Variants in CHD2 observed in about 807,000 individuals in gnomAD.
CHD2 encodes ATP-dependent chromatin remodeler CHD2.
A neutral mutation model predicts 243.9 loss-of-function variants in CHD2; 28 were observed. That is an observed-to-expected ratio of 0.11 (90% CI 0.09 to 0.16). The LOEUF (loss-of-function observed/expected upper bound fraction) is 0.16, where lower values mean the gene tolerates loss of function less well. Among genes scored for constraint, CHD2 ranks in the 10% least tolerant of loss-of-function variants. CHD2 has a pLI of 1.00. For synonymous variants in CHD2, 775 were observed against 779.0 expected (o/e 0.99, Z 0.09); for missense variants, 1,386 against 2,209.8 (o/e 0.63, Z 7.47).
Position 92,997,085 on chromosome 15 carries a change from GA to G in CHD2, c.3734del (p.Lys1245AsnfsTer4), listed in dbSNP as rs752940775. The G allele has an allele frequency of 7.9e-5, 116 of 1,462,108 alleles. No individual in the cohort carries two copies. The highest frequency in any genetic ancestry group is 5.5e-4 in the Admixed American group (27 of 49,114). 90.6% of individuals were successfully genotyped at this position (1,462,108 alleles called of 1,614,324 possible). On this transcript the variant is annotated frameshift_variant, in exon 29 of 39. Coordinates refer to ENST00000394196, the MANE Select transcript of CHD2 (RefSeq NM_001271.4). LOFTEE classifies it high-confidence loss of function. This position sits in a 1 kb window ranked among gnomAD's most constrained non-coding sequence, Gnocchi z 4.1. ...TAAATCTATCCCTGTGGACCCTGAA[GA>G]AAAAAAAAAGTGAGTATATTTTGTG... ...LHKSIPVDPE[E>X]KKKYCLTCRV...
intron 5 of CHD2, among the ~76,000 whole-genome samples, chr15:92,936,059 C>T (rs557140649): frequency 6.6e-6 from 1 of 152,138 alleles, no homozygotes; most frequent in African/African-American, 2.4e-5. Context: ...CATATGGAAA[C>T]ACGCAGTGCT....
rs1053013454 is a variant in CHD2, at chr15:92,929,932, AT to A, written c.443+842del. Among the ~76,000 whole-genome samples, 56 of 152,312 alleles carry A rather than the reference AT, an allele frequency of 3.7e-4. 1 individual carries two copies. Among genetic ancestry groups the A allele is most frequent in the African/African-American group, 9.6e-4 (40 of 41,564 alleles). Reference sequence around the variant, plus strand: ...CATTTCCTCATCTCCAAAAAAAAAAATAATACCATCTACCCAACAGGATTAT... The same window carrying A: ...CATTTCCTCATCTCCAAAAAAAAAAAAATACCATCTACCCAACAGGATTAT... On this transcript the variant is annotated intron_variant, in intron 5 of 38. Transcript: ENST00000394196.
At chr15:92,913,719 G>C (rs1357041621) in intron 2 of CHD2, among the ~76,000 whole-genome samples, 1 of 152,210 alleles carries the variant, frequency 6.6e-6, no homozygotes, top group Non-Finnish European at 1.5e-5. Context: ...GGGTGTGGCA[G>C]TATGCACCTA....
chr15:92,975,666 CT>C (rs931379088), intron 20 of CHD2, among the ~76,000 whole-genome samples: 554 of 142,806 alleles, frequency 3.9e-3, no homozygotes, highest in African/African-American at 6.0e-3. Flanking sequence ...TGAGCCACTA[CT>C]TTTTTTTTTT....
chr15:92,943,313 T>G, intron 9 of CHD2: 2 of 469,028 alleles, frequency 4.3e-6, no homozygotes, highest in Non-Finnish European at 7.8e-6. Context: ...TCTTTAGTTT[T>G]CACAATAAGT....
At chr15:92,936,405 T>A (rs2141771574) in intron 5 of CHD2, among the ~76,000 whole-genome samples, 1 of 152,356 alleles carries the variant, frequency 6.6e-6, no homozygotes. Context: ...AGTTTTTTCC[T>A]AGGTATTTCA....
chr15:92,931,176 A>G (rs571009519), intron 5 of CHD2, among the ~76,000 whole-genome samples: 67 of 152,328 alleles, frequency 4.4e-4, no homozygotes, highest in African/African-American at 1.6e-3. Flanking sequence ...GGTTTGAAAT[A>G]TTGGCACAAA....
chr15:92,931,525 G>A (rs976069622), intron 5 of CHD2, among the ~76,000 whole-genome samples: 1 of 151,970 alleles, frequency 6.6e-6, no homozygotes, highest in African/African-American at 2.4e-5. Context: ...GACGACAGGC[G>A]TGCACCACCA....
At chr15:92,958,573 A>C (rs978464566) in intron 16 of CHD2, among the ~76,000 whole-genome samples, 2 of 152,106 alleles carry the variant, frequency 1.3e-5, no homozygotes, top group Admixed American at 6.5e-5. Flanking sequence ...AAAAAATTGG[A>C]TTGTTTGTCT....
At chr15:92,904,154 T>A (rs1030472277) in intron 2 of CHD2, among the ~76,000 whole-genome samples, 3 of 152,214 alleles carry the variant, frequency 2.0e-5, no homozygotes, top group African/African-American at 7.2e-5. Flanking sequence ...CAGCAGCTCT[T>A]TGAGCCCCTG....
intron 19 of CHD2, among the ~76,000 whole-genome samples, chr15:92,973,355 CAT>C (rs2053867031): frequency 6.6e-6 from 1 of 152,142 alleles, no homozygotes; most frequent in African/African-American, 2.4e-5. Context: ...TTTATAGACA[CAT>C]AGACATATAC....
intron 33 of CHD2, among the ~76,000 whole-genome samples, chr15:93,003,793 A>G (rs567272052): frequency 8.5e-5 from 13 of 152,306 alleles, no homozygotes; most frequent in Non-Finnish European, 1.5e-4. Flanking sequence ...GTGTATATCC[A>G]TATAACTATA....
At chr15:93,009,461 C>A in intron 35 of CHD2, 138 bp downstream of exon 35, 2 of 762,788 alleles carry the variant, frequency 2.6e-6, no homozygotes, top group Non-Finnish European at 4.1e-6. Flanking sequence ...AATATACCTG[C>A]AGGCTTTAAC....
chr15:92,980,244 A>G (rs1333236716), intron 22 of CHD2, among the ~76,000 whole-genome samples: 6 of 142,092 alleles, frequency 4.2e-5, no homozygotes, highest in Non-Finnish European at 6.1e-5. Flanking sequence ...TTTTTTTAGT[A>G]GAGACAGGGT....
chr15:92,913,261 T>A (rs902647175), intron 2 of CHD2, among the ~76,000 whole-genome samples: 2 of 152,226 alleles, frequency 1.3e-5, no homozygotes, highest in Non-Finnish European at 2.9e-5. Flanking sequence ...GCTTTTTAGC[T>A]GTAGAATCTT....
At position 92,942,049 on chromosome 15, in the gene CHD2, A is replaced by C. The variant is rs1022472278; in HGVS notation, c.826+94A>C. The C allele has an allele frequency of 3.3e-6, 4 of 1,212,496 alleles. No individual in the cohort carries two copies. The East Asian group carries it at 7.1e-5, about 21-fold the overall frequency. 75.1% of individuals were successfully genotyped at this position (1,212,496 alleles called of 1,614,324 possible). ...ACTCTAATGTGATGAATTTTAGTCTACTGCTGTATTTGTTGTGATATGTAG... is the reference window on the plus strand; with the variant it reads ...ACTCTAATGTGATGAATTTTAGTCTCCTGCTGTATTTGTTGTGATATGTAG... On this transcript the variant is annotated intron_variant, in intron 8 of 38. Transcript: ENST00000394196.
chr15:93,009,309 C>T lies in CHD2; in HGVS notation c.4578C>T (p.Ile1526=), dbSNP rs143876394. 1 of 1,614,076 alleles carries T rather than the reference C, an allele frequency of 6.2e-7. No individual in the cohort carries two copies. The highest frequency in any genetic ancestry group is 1.1e-5 in the South Asian group (1 of 91,066). ...CLKAYSDQEH[I]KLWRRNLWIF... is the part of the protein sequence containing the mutation. ...AAGCCTACTCAGATCAGGAGCACAT[C>T]AAACTCTGGAGGAGGTAACCACTTT... The change falls in exon 35 of 39, where the codon ATC becomes ATT. Residue 1526 remains isoleucine, a synonymous_variant. Coordinates refer to ENST00000394196, the MANE Select transcript of CHD2 (RefSeq NM_001271.4).
chr15:92,998,725 A>C lies in CHD2; in HGVS notation c.4008+104A>C. 5 of 1,357,942 alleles carry C rather than the reference A, an allele frequency of 3.7e-6. No individual in the cohort carries two copies. The highest frequency in any genetic ancestry group is 1.5e-5 in the African/African-American group (1 of 68,428). The allele number at this position is 1,357,942 out of a possible 1,614,324, so 84.1% of individuals were successfully genotyped here. A position where few individuals can be genotyped will look rare whatever the true frequency, so the allele number is the denominator to read the frequency against. On this transcript the variant is annotated intron_variant, in intron 31 of 38. Coordinates refer to ENST00000394196, the MANE Select transcript of CHD2 (RefSeq NM_001271.4). The surrounding 1 kb of genome is among the most constrained non-coding windows in gnomAD (Gnocchi z 5.1). ...CTCTCTGAGCACTGCACAGAATGTC[A>C]CCTTCTCATGGGCATATTTTGTTTT...
In CHD2 at chr15:93,024,652, T is replaced by C; in HGVS notation, c.5434T>C (p.Ser1812Pro). Residue 1812 changes from serine (S) to proline (P), a missense_variant, in exon 39 of 39, where the codon TCA becomes CCA. Around this residue, in one of 19 missense-constraint regions of CHD2, gnomAD observed 347 missense variants for 341.6 expected, o/e 1.02. Coordinates refer to ENST00000394196, the MANE Select transcript of CHD2 (RefSeq NM_001271.4). ...GGATCATAGGTCTCCTTTGGAGAGA[T>C]CACTAGAACAGAAAAACAACCCAGA... Reference protein sequence around the residue: ...PLDHRSPLERSLEQKNNPDYN... With the variant: ...PLDHRSPLERPLEQKNNPDYN... 6.2e-7 allele frequency: 1 copy of C among 1,613,540 alleles called. No individual in the cohort carries two copies. Among genetic ancestry groups the C allele is most frequent in the Non-Finnish European group, 8.5e-7 (1 of 1,179,836 alleles).
Sources: allele counts gnomAD v4.1 joint callset (sites outside exome capture counted in the v4.1 genomes callset), GRCh38; gene constraint gnomAD v4.1.1; regional missense constraint gnomAD v4.1.1; non-coding constraint Gnocchi (gnomAD v3.1); transcripts MANE v1.5; gene names NCBI Gene and HGNC (gene_info 2026-07-23, HGNC 2026-07-21).